The following STK11 variants were observed in gnomAD, a reference collection of about 807,000 sequenced individuals.
STK11 encodes serine/threonine kinase 11, also known as serine/threonine-protein kinase STK11.
Under a neutral mutation model 47.3 loss-of-function variants are expected in STK11, and 8 were observed. The observed-to-expected ratio is 0.17, with a 90% CI of 0.10 to 0.31. The LOEUF is 0.31. Ranked by LOEUF, STK11 falls within the 10% of genes least tolerant of loss-of-function variation. The pLI is 1.00. For missense variants in STK11, 475 were observed against 605.0 expected, an observed-to-expected ratio of 0.79 and a Z score of 2.25; for synonymous variants, 330 against 255.8, an observed-to-expected ratio of 1.29 and a Z score of -2.77.
At position 1,221,546 on chromosome 19, in the gene STK11, C is replaced by T. The variant is rs741765; in HGVS notation, c.862+206C>T. On this transcript the variant is annotated intron_variant, in intron 6 of 9. Coordinates refer to ENST00000326873, the MANE Select transcript of STK11 (RefSeq NM_000455.5). ...CTGCTTCTGGGCCCTGTTCACCCTC[C>T]GAACTCCCACCCCAGAGGGCAGTGC... 0.25 allele frequency: 194,696 copies of T among 783,802 alleles called. 26,122 individuals are homozygous for T. The highest frequency in any genetic ancestry group is 0.54 in the East Asian group (19,880 of 36,506). 48.6% of individuals were successfully genotyped at this position (783,802 alleles called of 1,614,324 possible).
rs769403473 is a variant in STK11 at position 1,223,127 on chromosome 19, G to C, written c.1063G>C (p.Asp355His). The C allele has an allele frequency of 1.2e-6, 2 of 1,611,848 alleles. No homozygotes were observed. Among genetic ancestry groups the C allele is most frequent in the Admixed American group, 1.7e-5 (1 of 59,942 alleles). ...CGCGGACGAGGACGAGGACCTCTTC[G>C]ACATCGAGGATGACATCATCTACAC... is the stretch of plus-strand genomic sequence containing the variant. ...HGADEDEDLF[D>H]IEDDIIYTQD... The change falls in exon 8 of 10, where the codon GAC becomes CAC. Residue 355 changes from aspartate to histidine, a missense_variant. Around this residue, in one of 5 missense-constraint regions of STK11, gnomAD observed 219 missense variants for 189.2 expected, o/e 1.16. Transcript: ENST00000326873.
intron 2 of STK11, among the ~76,000 whole-genome samples, chr19:1,218,831 G>A (rs907622206): frequency 2.0e-5 from 3 of 152,228 alleles, no homozygotes; most frequent in South Asian, 2.1e-4. Context: ...CATTTTGGTC[G>A]TGGCTGGGCG....
chr19:1,225,558 C>G (rs1027592293), intron 8 of STK11: 11 of 985,470 alleles, frequency 1.1e-5, no homozygotes, highest in Non-Finnish European at 1.2e-5. Context: ...CGTGAGCCAC[C>G]GCGACCGGCC....
In STK11 at chr19:1,213,978, G is replaced by T. The variant is rs545601549; in HGVS notation, c.291-4439G>T. Among the ~76,000 whole-genome samples the T allele has an allele frequency of 6.6e-5, 10 of 152,346 alleles. No individual in the cohort carries two copies. In the South Asian group the frequency reaches 2.1e-3, roughly 32 times the overall value. ...CTCTGTGAGCTTGAGTGGCGTTTAT[G>T]ACTCTCCTTCCTATTTCCTGTCCTG... On this transcript the variant is annotated intron_variant, in intron 1 of 9. Transcript: ENST00000326873.
rs555528434 is a variant in STK11 at position 1,207,861 on chromosome 19, A to G, written c.290+658A>G. Among the ~76,000 whole-genome samples the G allele has an allele frequency of 6.6e-5, 10 of 152,250 alleles. No homozygotes were observed. In the East Asian group the frequency reaches 1.5e-3, roughly 24 times the overall value. ...GCATCCGGAAGACCTTACTTTTCCA[A>G]CTGACTTCTTCAGGCACGGGGCTGC... On this transcript the variant is annotated intron_variant, in intron 1 of 9. Coordinates refer to ENST00000326873, the MANE Select transcript of STK11 (RefSeq NM_000455.5).
At chr19:1,220,296 TC>T in intron 3 of STK11, 76 bp from the exon 4 acceptor site, 1 of 1,528,710 alleles carries the variant, frequency 6.5e-7, no homozygotes, top group Non-Finnish European at 8.8e-7. Context: ...TTTGGGAGGC[TC>T]CCAGGCAGCT....
intron 7 of STK11, among the ~76,000 whole-genome samples, chr19:1,222,506 G>A (rs1424979392): frequency 2.0e-5 from 3 of 152,172 alleles, no homozygotes; most frequent in Non-Finnish European, 2.9e-5. Context: ...GAGCCCCTCC[G>A]AGCCCCGAGG....
At chr19:1,213,327 T>C (rs2080724502) in intron 1 of STK11, among the ~76,000 whole-genome samples, 1 of 152,156 alleles carries the variant, frequency 6.6e-6, no homozygotes, top group African/African-American at 2.4e-5. Context: ...TGTAATTCAG[T>C]GGCATATAGT....
chr19:1,208,251 C>T (rs1416435178), intron 1 of STK11, among the ~76,000 whole-genome samples: 2 of 151,724 alleles, frequency 1.3e-5, no homozygotes, highest in East Asian at 1.9e-4. Context: ...CCCTGGGGCT[C>T]CTGCCGTGTC....
In STK11 at chr19:1,220,589, C is replaced by A. The variant is rs2080775908; in HGVS notation, c.606C>A (p.His202Gln). The A allele has an allele frequency of 6.3e-7, 1 of 1,585,618 alleles. No homozygotes were observed. Among genetic ancestry groups the A allele is most frequent in the Non-Finnish European group, 8.6e-7 (1 of 1,165,726 alleles). The change falls in exon 5 of 10, where the codon CAC becomes CAA. Residue 202 changes from histidine to glutamine, a missense_variant. His to Gln is a conservative substitution (Grantham distance 24). Around this residue, in one of 5 missense-constraint regions of STK11, gnomAD observed 130 missense variants for 239.7 expected, o/e 0.54. Coordinates refer to ENST00000326873, the MANE Select transcript of STK11 (RefSeq NM_000455.5). Reference protein sequence around the residue: ...ISDLGVAEALHPFAADDTCRT... With the variant: ...ISDLGVAEALQPFAADDTCRT... The stretch of plus-strand genomic sequence containing the variant: ...GCACGGCACCGCCACAGGCACTGCA[C>A]CCGTTCGCGGCGGACGACACCTGCC...
rs1453771124 is a variant in STK11 at position 1,221,484 on chromosome 19, C to G, written c.862+144C>G. 11 of 1,314,674 alleles carry G rather than the reference C, an allele frequency of 8.4e-6. No homozygotes were observed. In the East Asian group the frequency reaches 2.5e-4, roughly 30 times the overall value. 81.4% of individuals were successfully genotyped at this position (1,314,674 alleles called of 1,614,324 possible). A position where few individuals can be genotyped will look rare whatever the true frequency, so the allele number is the denominator to read the frequency against. On this transcript the variant is annotated intron_variant, in intron 6 of 9. Transcript: ENST00000326873. ...GGACTGAGTGGAGAGGCCGACCTCC[C>G]CGCAGGGCCTGGTTTGCCAGGTCCC... is the stretch of plus-strand genomic sequence containing the variant.
chr19:1,221,839 G>T lies in STK11; in HGVS notation c.863-110G>T, dbSNP rs555349531. 5.9e-5 allele frequency: 77 copies of T among 1,307,230 alleles called. 1 individual carries two copies. In the South Asian group the frequency reaches 9.3e-4, roughly 16 times the overall value. The allele number at this position is 1,307,230 out of a possible 1,614,324, so 81.0% of individuals were successfully genotyped here. On this transcript the variant is annotated intron_variant, in intron 6 of 9. Transcript: ENST00000326873. ...CCTGTGCGCGGGGTCCCCCTTAGGA[G>T]CGTCCAGGTATCACCCAGGGCCTGA... is the stretch of plus-strand genomic sequence containing the variant.
chr19:1,223,095 T>C lies in STK11; in HGVS notation c.1031T>C (p.Leu344Pro), dbSNP rs864622118. Residue 344 changes from leucine to proline, a missense_variant, in exon 8 of 10, where the codon CTG (leucine) becomes CCG (proline). Physicochemically the swap from Leu to Pro is moderately conservative, Grantham distance 98. This residue lies in a region of STK11 where 219 missense variants were observed against 189.2 expected (regional missense o/e 1.16). Transcript: ENST00000326873. The part of the protein sequence containing the change: ...SMTVVPYLED[L>P]HGADEDEDLF... ...ACTGTGGTGCCGTACTTGGAGGACC[T>C]GCACGGCGCGGACGAGGACGAGGAC... is the stretch of plus-strand genomic sequence containing the variant. 36 of 1,610,608 alleles carry C rather than the reference T, an allele frequency of 2.2e-5. No homozygotes were observed. Among genetic ancestry groups the C allele is most frequent in the Non-Finnish European group, 2.8e-5 (33 of 1,179,058 alleles).
At chr19:1,213,495 A>G (rs1244455963) in intron 1 of STK11, among the ~76,000 whole-genome samples, 2 of 152,212 alleles carry the variant, frequency 1.3e-5, no homozygotes, top group East Asian at 3.9e-4. Context: ...GCCTGTCCTG[A>G]ACATTTCACA....
rs2145422276 is a variant in STK11, at chr19:1,219,350, G to A, written c.401G>A (p.Cys134Tyr). 1 of 1,596,540 alleles carries A rather than the reference G, an allele frequency of 6.3e-7. No individual in the cohort carries two copies. Among genetic ancestry groups the A allele is most frequent in the Non-Finnish European group, 8.5e-7 (1 of 1,172,324 alleles). Residue 134 changes from cysteine to tyrosine, a missense_variant, in exon 3 of 10, where the codon TGT (cysteine) becomes TAT (tyrosine). This residue lies in a region of STK11 where 46 missense variants were observed against 45.5 expected (regional missense o/e 1.01). Coordinates refer to ENST00000326873, the MANE Select transcript of STK11 (RefSeq NM_000455.5). ...TATATGGTGATGGAGTACTGCGTGTGTGGCATGCAGGAAATGCTGGACAGC... is the reference window on the plus strand; with the variant it reads ...TATATGGTGATGGAGTACTGCGTGTATGGCATGCAGGAAATGCTGGACAGC... ...KMYMVMEYCV[C>Y]GMQEMLDSVP...
chr19:1,227,856 C>T lies in STK11; in HGVS notation c.*280C>T. 4.7e-6 allele frequency: 5 copies of T among 1,069,956 alleles called. No homozygotes were observed. Among genetic ancestry groups the T allele is most frequent in the Non-Finnish European group, 5.7e-6 (5 of 882,178 alleles). The allele number at this position is 1,069,956 out of a possible 1,614,324, so 66.3% of individuals were successfully genotyped here. On this transcript the variant is annotated 3_prime_UTR_variant, in exon 10 of 10. Transcript: ENST00000326873. ...GGCGGGCGTGGGAGGAGGGAGGCGG[C>T]CTCCATGCACTTTATGTGGAGACTA...
At chr19:1,214,480 G>A (rs903136114) in intron 1 of STK11, among the ~76,000 whole-genome samples, 2 of 152,204 alleles carry the variant, frequency 1.3e-5, no homozygotes, top group African/African-American at 2.4e-5. Context: ...GGGCGCCTTC[G>A]GTGAGGGCGA....
intron 1 of STK11, among the ~76,000 whole-genome samples, chr19:1,215,882 G>A (rs2080741550): frequency 2.0e-5 from 3 of 152,134 alleles, no homozygotes; most frequent in South Asian, 2.1e-4. Context: ...GATTACAGGC[G>A]CCCATCACCA....
Position 1,226,539 on chromosome 19 carries a change from G to A in STK11, c.1194G>A (p.Ala398=), listed in dbSNP as rs184271025. 245 of 1,605,208 alleles carry A rather than the reference G, an allele frequency of 1.5e-4. No individual in the cohort carries two copies. Among genetic ancestry groups the A allele is most frequent in the Admixed American group, 4.6e-4 (27 of 59,110 alleles). ...KAVCMNGTEA[A]QLSTKSRAEG... ...TGTGTATGAACGGCACAGAGGCGGC[G>A]CAGCTGAGCACCAAATCCAGGGCGG... Residue 398 remains alanine, a synonymous_variant, in exon 9 of 10, where the codon GCG becomes GCA. Transcript: ENST00000326873.
Sources: allele counts gnomAD v4.1 joint callset (sites outside exome capture counted in the v4.1 genomes callset), GRCh38; gene constraint gnomAD v4.1.1; regional missense constraint gnomAD v4.1.1; transcripts MANE v1.5; gene names NCBI Gene and HGNC (gene_info 2026-07-23, HGNC 2026-07-21).